The following ADGRL3 variants were observed in gnomAD, a reference collection of about 807,000 sequenced individuals.
The protein encoded by ADGRL3 is calcium-independent alpha-latrotoxin receptor 3.
A neutral mutation model predicts 153.5 loss-of-function variants in ADGRL3; 62 were observed. The ratio of observed to expected loss-of-function variants is 0.40; its 90% CI spans 0.33 to 0.50. The LOEUF is 0.50. Ranked by LOEUF, ADGRL3 falls within the 20% of genes least tolerant of loss-of-function variation. ADGRL3 has a pLI of 0.47. For missense variants in ADGRL3, 1,641 were observed against 1,859.4 expected (o/e 0.88, Z 2.16); for synonymous variants, 710 against 672.5 (o/e 1.06, Z -0.86).
intron 1 of ADGRL3, among the ~76,000 whole-genome samples, chr4:61,311,482 A>G (rs923511224): frequency 3.9e-5 from 6 of 152,174 alleles, no homozygotes; most frequent in Non-Finnish European, 8.8e-5. Context: ...AAGAAGAAAC[A>G]ATGTGATGAA....
At chr4:61,611,490 A>G (rs556535170) in intron 5 of ADGRL3, among the ~76,000 whole-genome samples, 2 of 152,286 alleles carry the variant, frequency 1.3e-5, no homozygotes, top group African/African-American at 2.4e-5. Context: ...CATTTGAAAT[A>G]TGAGTATTAG....
At chr4:61,717,181 T>G (rs1055317781) in intron 6 of ADGRL3, among the ~76,000 whole-genome samples, 3 of 146,912 alleles carry the variant, frequency 2.0e-5, no homozygotes, top group African/African-American at 7.6e-5. Context: ...CCAAATTCTG[T>G]AGGCCACATA....
chr4:61,912,416 C>T (rs370404708), intron 12 of ADGRL3, among the ~76,000 whole-genome samples: 5 of 152,048 alleles, frequency 3.3e-5, no homozygotes, highest in East Asian at 1.9e-4. Flanking sequence ...TCATTTCAAA[C>T]GAATGAAGTA....
intron 8 of ADGRL3, among the ~76,000 whole-genome samples, chr4:61,759,822 A>G (rs11735768): frequency 0.45 from 67,783 of 151,968 alleles, 15,468 homozygotes; most frequent in East Asian, 0.64. Flanking sequence ...TTGGTCTTTG[A>G]TGATGACAAC....
At chr4:62,069,283 A>G (rs574613299) in intron 26 of ADGRL3, among the ~76,000 whole-genome samples, 4 of 152,234 alleles carry the variant, frequency 2.6e-5, no homozygotes, top group Admixed American at 2.6e-4. Flanking sequence ...ATACTGACAC[A>G]ATGTTTTTAG....
At chr4:61,867,499 C>CA (rs2098407801) in intron 9 of ADGRL3, among the ~76,000 whole-genome samples, 1 of 50,714 alleles carries the variant, frequency 2.0e-5, no homozygotes, top group Admixed American at 2.4e-4. Flanking sequence ...GACCCTGTCT[C>CA]AAAAAAATAT....
chr4:61,498,751 A>T (rs1401378196), intron 3 of ADGRL3, among the ~76,000 whole-genome samples: 1 of 152,172 alleles, frequency 6.6e-6, no homozygotes, highest in African/African-American at 2.4e-5. Flanking sequence ...TATAAAATAT[A>T]TCACATTATT....
chr4:61,722,876 C>G (rs1341896584), intron 6 of ADGRL3, among the ~76,000 whole-genome samples: 1 of 152,106 alleles, frequency 6.6e-6, no homozygotes, highest in Non-Finnish European at 1.5e-5. Context: ...TACTTTCAGC[C>G]TCCAAACTCT....
At chr4:61,852,297 T>A (rs147732793) in intron 9 of ADGRL3, among the ~76,000 whole-genome samples, 62 of 103,054 alleles carry the variant, frequency 6.0e-4, no homozygotes, top group Middle Eastern at 4.4e-3. Context: ...AATTTTATTT[T>A]ATTTTATTTT....
chr4:61,724,526 A>G (rs2096292839), intron 6 of ADGRL3, among the ~76,000 whole-genome samples: 1 of 152,198 alleles, frequency 6.6e-6, no homozygotes, highest in African/African-American at 2.4e-5. Context: ...TCCAGGATGA[A>G]ATTCATTAGG....
intron 2 of ADGRL3, among the ~76,000 whole-genome samples, chr4:61,436,881 A>C (rs1253551721): frequency 2.3e-5 from 1 of 43,324 alleles, no homozygotes; most frequent in African/African-American, 4.8e-5. Context: ...AATGTGTGGT[A>C]CTTGATATCA....
intron 1 of ADGRL3, among the ~76,000 whole-genome samples, chr4:61,294,903 TCACACACACA>T (rs3035670): frequency 1.6e-3 from 205 of 131,030 alleles, no homozygotes; most frequent in African/African-American, 5.0e-3. Context: ...ACACACACAC[TCACACACACA>T]CACACACACA....
chr4:61,462,290 A>G (rs532145377), intron 2 of ADGRL3, among the ~76,000 whole-genome samples: 1 of 152,208 alleles, frequency 6.6e-6, no homozygotes, highest in South Asian at 2.1e-4. Context: ...ATTAAGATCA[A>G]ATCTTGTCTT....
chr4:61,488,933 C>T (rs13112994), intron 2 of ADGRL3, among the ~76,000 whole-genome samples: 283 of 152,070 alleles, frequency 1.9e-3, no homozygotes, highest in Non-Finnish European at 3.5e-3. Context: ...ATTCTATCCC[C>T]TTTTCTAGTT....
intron 5 of ADGRL3, among the ~76,000 whole-genome samples, chr4:61,664,964 C>T (rs1028249572): frequency 6.6e-6 from 1 of 152,190 alleles, no homozygotes; most frequent in Non-Finnish European, 1.5e-5. Context: ...GCATGCCTCT[C>T]AGGTCCTAAG....
intron 2 of ADGRL3, among the ~76,000 whole-genome samples, chr4:61,495,459 G>A (rs2098303541): frequency 1.3e-5 from 2 of 150,976 alleles, no homozygotes; most frequent in African/African-American, 4.9e-5. Flanking sequence ...AAAAAGGAAG[G>A]AAGGGAGGGA....
chr4:61,972,098 T>G (rs1398165157), intron 17 of ADGRL3, among the ~76,000 whole-genome samples: 6 of 152,034 alleles, frequency 3.9e-5, no homozygotes, highest in Admixed American at 2.6e-4. Flanking sequence ...TTTCTCCCAT[T>G]TTGTAGGTTG....
In ADGRL3 at chr4:61,699,977, C is replaced by G. The variant is rs533834634; in HGVS notation, c.583+23042C>G. Among the ~76,000 whole-genome samples, 684 of 149,846 alleles carry G rather than the reference C, an allele frequency of 4.6e-3. 6 individuals are homozygous for G. Among genetic ancestry groups the G allele is most frequent in the African/African-American group, 0.015 (630 of 40,916 alleles). On this transcript the variant is annotated intron_variant, in intron 6 of 26. Transcript: ENST00000683033. ...ACACACACACACACACAAAAACACA[C>G]ACAGAGAGAGAGAGAGAGAGAAGAC...
intron 9 of ADGRL3, among the ~76,000 whole-genome samples, chr4:61,880,828 T>C (rs1406796722): frequency 6.6e-6 from 1 of 152,180 alleles, no homozygotes; most frequent in Non-Finnish European, 1.5e-5. Flanking sequence ...TTAAATTACT[T>C]GAAAAAAATG....
Sources: allele counts gnomAD v4.1 joint callset (sites outside exome capture counted in the v4.1 genomes callset), GRCh38; gene constraint gnomAD v4.1.1; transcripts MANE v1.5; gene names NCBI Gene and HGNC (gene_info 2026-07-23, HGNC 2026-07-21).